The following GATA4 variants were observed in gnomAD, a reference collection of about 807,000 sequenced individuals.
The protein encoded by GATA4 is GATA binding protein 4.
In GATA4, 7 loss-of-function variants were observed where a neutral mutation model predicts 37.9. The ratio of observed to expected loss-of-function variants is 0.18; its 90% CI spans 0.11 to 0.35. GATA4 has a LOEUF of 0.35. Among genes scored for constraint, GATA4 ranks in the 10% least tolerant of loss-of-function variants. The pLI, the probability that GATA4 is intolerant of heterozygous loss-of-function variation, is 1.00. For missense variants in GATA4, 647 were observed against 653.0 expected, an observed-to-expected ratio of 0.99 and a Z score of 0.10; for synonymous variants, 372 against 292.6, an observed-to-expected ratio of 1.27 and a Z score of -2.77.
intron 5 of GATA4, 99 bp downstream of exon 5, chr8:11,755,232 C>G: frequency 1.0e-6 from 1 of 956,326 alleles, no homozygotes; most frequent in South Asian, 1.4e-5. Context: ...GCCCGGGCCG[C>G]CAGGGGGTGG....
At chr8:11,751,230 A>G (rs1239138329) in intron 4 of GATA4, among the ~76,000 whole-genome samples, 1 of 152,236 alleles carries the variant, frequency 6.6e-6, no homozygotes, top group African/African-American at 2.4e-5. Flanking sequence ...GCTTCTACAA[A>G]GCTCTTTAAT....
At chr8:11,743,255 G>T (rs992671336) in intron 2 of GATA4, among the ~76,000 whole-genome samples, 1 of 152,268 alleles carries the variant, frequency 6.6e-6, no homozygotes, top group Non-Finnish European at 1.5e-5. Flanking sequence ...CAAGGAGTTA[G>T]CATGGATTTT....
intron 2 of GATA4, among the ~76,000 whole-genome samples, chr8:11,744,722 G>C (rs1054880873): frequency 6.6e-6 from 1 of 152,212 alleles, no homozygotes; most frequent in African/African-American, 2.4e-5. Context: ...TTTGTGGTTG[G>C]AAATATGGAA....
At chr8:11,692,681 G>T in intron 1 of GATA4, 2 of 985,070 alleles carry the variant, frequency 2.0e-6, no homozygotes, top group Non-Finnish European at 2.4e-6. Flanking sequence ...GGGTGCGGGG[G>T]TGAGGGGTGC....
At chr8:11,728,256 T>C (rs888736541) in intron 2 of GATA4, among the ~76,000 whole-genome samples, 3 of 152,396 alleles carry the variant, frequency 2.0e-5, no homozygotes, top group Admixed American at 6.5e-5. Flanking sequence ...CCCAAAGTGT[T>C]GGGATTACAG....
chr8:11,719,419 G>C (rs1025128654), intron 2 of GATA4, among the ~76,000 whole-genome samples: 1 of 151,986 alleles, frequency 6.6e-6, no homozygotes, highest in Admixed American at 6.6e-5. Context: ...CACAGATGTA[G>C]GAAAATACTG....
chr8:11,692,966 C>G (rs1207817434), intron 1 of GATA4: 9 of 985,132 alleles, frequency 9.1e-6, no homozygotes, highest in Admixed American at 6.1e-5. Flanking sequence ...TGCCAGGCGC[C>G]GGCCCCGCGG....
Position 11,707,725 on chromosome 8 carries a change from C to G in GATA4, c.-457-131C>G, listed in dbSNP as rs1231971461. The G allele has an allele frequency of 6.3e-6, 1 of 157,832 alleles. No individual in the cohort carries two copies. The highest frequency in any genetic ancestry group is 2.4e-5 in the African/African-American group (1 of 41,490). 9.8% of individuals were successfully genotyped at this position (157,832 alleles called of 1,614,324 possible). A position where few individuals can be genotyped will look rare whatever the true frequency, so the allele number is the denominator to read the frequency against. ...CCTGCTTCCCGGCACCGCGCGGCCT[C>G]CGGAGCTGCACCCCCAAATCCCCGT... On this transcript the variant is annotated intron_variant, in intron 1 of 6. Coordinates refer to ENST00000532059, the MANE Select transcript of GATA4 (RefSeq NM_001308093.3). The surrounding 1 kb of genome is among the most constrained non-coding windows in gnomAD (Gnocchi z 4.7).
Position 11,759,968 on chromosome 8 carries a change from T to C in GATA4, c.*1493T>C, listed in dbSNP as rs1802813773. ...TAAGGTGAAATGGCTGGAAAATCAG[T>C]ATTTAACTAATAAATTTATCTGTAT... On this transcript the variant is annotated 3_prime_UTR_variant, in exon 7 of 7. Transcript: ENST00000532059. 1 of 152,698 alleles carries C rather than the reference T, an allele frequency of 6.5e-6. No individual in the cohort carries two copies. Among genetic ancestry groups the C allele is most frequent in the African/African-American group, 2.4e-5 (1 of 41,472 alleles). 9.5% of individuals were successfully genotyped at this position (152,698 alleles called of 1,614,324 possible).
At position 11,711,286 on chromosome 8, in the gene GATA4, G is replaced by A. The variant is rs1487444309; in HGVS notation, c.616+2358G>A. Among the ~76,000 whole-genome samples, 6 of 152,144 alleles carry A rather than the reference G, an allele frequency of 3.9e-5. No homozygotes were observed. The South Asian group carries it at 1.2e-3, about 32-fold the overall frequency. ...AAGAACTGCCACCTGCCTTCTCTGGGCTCTTCCCGGATAGCTTATGAAGTC... is the reference window on the plus strand; with the variant it reads ...AAGAACTGCCACCTGCCTTCTCTGGACTCTTCCCGGATAGCTTATGAAGTC... On this transcript the variant is annotated intron_variant, in intron 2 of 6. Transcript: ENST00000532059.
rs1301194474 is a variant in GATA4, at chr8:11,709,679, A to ACGCGTGGAGCCTCCTCTTCT, written c.616+759_616+778dup. ...AAATGGAGACTTTGCAGTCGCTTGC[A>ACGCGTGGAGCCTCCTCTTCT]CGCGTGGAGCCTCCTCTTCTCGCGT... On this transcript the variant is annotated intron_variant, in intron 2 of 6. Transcript: ENST00000532059. The surrounding 1 kb of genome is among the most constrained non-coding windows in gnomAD (Gnocchi z 4.3). 2.6e-5 allele frequency among the ~76,000 whole-genome samples: 4 copies of ACGCGTGGAGCCTCCTCTTCT among 151,726 alleles called. No individual in the cohort carries two copies. Among genetic ancestry groups the ACGCGTGGAGCCTCCTCTTCT allele is most frequent in the Admixed American group, 1.3e-4 (2 of 15,254 alleles).
chr8:11,747,578 T>C (rs1050437934), intron 2 of GATA4, among the ~76,000 whole-genome samples: 1 of 152,130 alleles, frequency 6.6e-6, no homozygotes, highest in South Asian at 2.1e-4. Context: ...AAAAAATGAA[T>C]GAATGAAGCT....
At chr8:11,680,772 T>C in intron 1 of GATA4, 2 of 985,260 alleles carry the variant, frequency 2.0e-6, no homozygotes, top group African/African-American at 3.5e-5. Context: ...CCTCTCCAGA[T>C]GCGAGGTGCT....
rs1802186157 is a variant in GATA4, at chr8:11,749,438, C to G, written c.786+353C>G. Among the ~76,000 whole-genome samples the G allele has an allele frequency of 6.6e-6, 1 of 152,138 alleles. No homozygotes were observed. The highest frequency in any genetic ancestry group is 1.5e-5 in the Non-Finnish European group (1 of 68,004). ...ACTGGAGTGTCTCCTCCACCCACAC[C>G]AACCCTGCAAGGAAGGTCACCTCAG... On this transcript the variant is annotated intron_variant, in intron 3 of 6. Transcript: ENST00000532059. The surrounding 1 kb of genome is among the most constrained non-coding windows in gnomAD (Gnocchi z 4.6).
intron 1 of GATA4, chr8:11,680,402 C>G (rs1174692844): frequency 1.2e-6 from 1 of 868,100 alleles, no homozygotes; most frequent in Non-Finnish European, 1.4e-6. Flanking sequence ...CACTTTCCCG[C>G]CCTCGGCCCA....
At chr8:11,748,522 C>T (rs2130304710) in intron 2 of GATA4, among the ~76,000 whole-genome samples, 1 of 152,154 alleles carries the variant, frequency 6.6e-6, no homozygotes, top group East Asian at 1.9e-4. Context: ...TTTATTATAT[C>T]TTTATGCAAA....
chr8:11,709,424 C>T lies in GATA4; in HGVS notation c.616+496C>T, dbSNP rs1423913088. ...CATTTGGCGGCCCAGCTGGAGGATCCCTCGGGGTAGCTGATGATTTTCCCG... is the reference window on the plus strand; with the variant it reads ...CATTTGGCGGCCCAGCTGGAGGATCTCTCGGGGTAGCTGATGATTTTCCCG... On this transcript the variant is annotated intron_variant, in intron 2 of 6. Coordinates refer to ENST00000532059, the MANE Select transcript of GATA4 (RefSeq NM_001308093.3). This position sits in a 1 kb window ranked among gnomAD's most constrained non-coding sequence, Gnocchi z 4.3. 2.6e-5 allele frequency among the ~76,000 whole-genome samples: 4 copies of T among 152,210 alleles called. No individual in the cohort carries two copies. Among genetic ancestry groups the T allele is most frequent in the African/African-American group, 9.6e-5 (4 of 41,464 alleles).
chr8:11,683,223 G>T (rs976172687), intron 1 of GATA4: 2 of 774,864 alleles, frequency 2.6e-6, no homozygotes, highest in African/African-American at 1.9e-5. Flanking sequence ...TATCCGGAGC[G>T]GGGGAGGACG....
upstream of GATA4, among the ~76,000 whole-genome samples, chr8:11,701,933 G>A (rs914742369): frequency 6.6e-6 from 1 of 152,202 alleles, no homozygotes; most frequent in Non-Finnish European, 1.5e-5. Flanking sequence ...TTCCTTGCAA[G>A]CAAGCACCCA....
Sources: gnomAD v4.1 joint callset for allele counts (sites outside exome capture counted in the v4.1 genomes callset) on GRCh38, gnomAD v4.1.1 for gene constraint, Gnocchi (gnomAD v3.1) non-coding constraint, MANE v1.5 for transcripts, NCBI Gene and HGNC (gene_info 2026-07-23, HGNC 2026-07-21) for gene names.